The following KIF27 variants were observed in gnomAD, a reference collection of about 807,000 sequenced individuals.
The protein encoded by KIF27 is kinesin family member 27, also known as kinesin-like protein KIF27.
KIF27 carries 84 observed loss-of-function variants against 141.8 expected under a neutral mutation model. That is an observed-to-expected ratio of 0.59 (90% CI 0.50 to 0.71). The LOEUF is 0.71. KIF27 is among the 30% of genes least tolerant of loss of function. KIF27 has a pLI of 0.00. For synonymous variants in KIF27, 471 were observed against 569.5 expected (o/e 0.83, Z 2.46); for missense variants, 1,306 against 1,628.4 (o/e 0.80, Z 3.41).
chr9:83,902,807 G>A (rs1254740668), intron 4 of KIF27, among the ~76,000 whole-genome samples: 1 of 152,016 alleles, frequency 6.6e-6, no homozygotes, highest in Non-Finnish European at 1.5e-5. Context: ...TTGTGAGGAG[G>A]AAGCAATAGG....
At chr9:83,853,484 T>C (rs1564301459) in intron 15 of KIF27, 145 bp downstream of exon 15, 15 of 627,500 alleles carry the variant, frequency 2.4e-5, no homozygotes, top group Non-Finnish European at 2.2e-5. Context: ...CATTTAGTTC[T>C]ATAAAGAGAA....
At chr9:83,869,356 G>T (rs2132026594) in intron 12 of KIF27, among the ~76,000 whole-genome samples, 1 of 152,066 alleles carries the variant, frequency 6.6e-6, no homozygotes, top group South Asian at 2.1e-4. Context: ...TTTTTAAAAG[G>T]TGGCACTAAA....
chr9:83,898,202 T>C (rs1446111257), intron 5 of KIF27, among the ~76,000 whole-genome samples: 2 of 151,616 alleles, frequency 1.3e-5, no homozygotes, highest in South Asian at 2.1e-4. Flanking sequence ...AGAAAATAAA[T>C]TGTGGTATAG....
Position 83,848,525 on chromosome 9 carries a change from CAT to C in KIF27, c.3556+1572_3556+1573del, listed in dbSNP as rs893234810. 18 of 142,674 alleles carry C rather than the reference CAT, an allele frequency of 1.3e-4. No homozygotes were observed. In the East Asian group the frequency reaches 3.5e-3, roughly 27 times the overall value. 8.8% of individuals were successfully genotyped at this position (142,674 alleles called of 1,614,324 possible). A position where few individuals can be genotyped will look rare whatever the true frequency, so the allele number is the denominator to read the frequency against. On this transcript the variant is annotated intron_variant, in intron 16 of 17. Transcript: ENST00000297814. ...ATATATAGCTATATATGCATATATA[CAT>C]ATATATCTATGTATATACATATATC...
At chr9:83,916,690 G>A (rs1448137979) in intron 1 of KIF27, among the ~76,000 whole-genome samples, 1 of 140,522 alleles carries the variant, frequency 7.1e-6, no homozygotes, top group East Asian at 2.1e-4. Context: ...TTGAGACGGA[G>A]TCTCGCTCTG....
chr9:83,908,001 C>T (rs566078848), intron 3 of KIF27, among the ~76,000 whole-genome samples: 135 of 152,152 alleles, frequency 8.9e-4, no homozygotes, highest in Non-Finnish European at 1.7e-3. Context: ...CAGTGGCTCA[C>T]GCCTGTAATC....
At chr9:83,893,882 T>A (rs1300616424) in intron 5 of KIF27, among the ~76,000 whole-genome samples, 3 of 151,512 alleles carry the variant, frequency 2.0e-5, no homozygotes, top group African/African-American at 7.3e-5. Flanking sequence ...CTAGTGAAAC[T>A]GCAAGAAAAA....
At chr9:83,908,758 C>CTTT in intron 2 of KIF27, 106 bp from the exon 3 acceptor site, 14 of 461,562 alleles carry the variant, frequency 3.0e-5, no homozygotes, top group East Asian at 1.2e-4. Context: ...TATATTATAA[C>CTTT]TTTTTTTTTT....
chr9:83,844,214 C>G (rs1370344638), intron 16 of KIF27, among the ~76,000 whole-genome samples: 1 of 152,096 alleles, frequency 6.6e-6, no homozygotes, highest in African/African-American at 2.4e-5. Flanking sequence ...GAGACTCAGA[C>G]TGGCTCTCCT....
At chr9:83,885,566 T>C (rs1952026979) in intron 9 of KIF27, among the ~76,000 whole-genome samples, 1 of 152,156 alleles carries the variant, frequency 6.6e-6, no homozygotes, top group Non-Finnish European at 1.5e-5. Flanking sequence ...TTTTGGACTA[T>C]TCATTAATTG....
intron 13 of KIF27, among the ~76,000 whole-genome samples, chr9:83,860,932 T>TGAGA (rs1293564715): frequency 3.9e-5 from 6 of 152,176 alleles, no homozygotes; most frequent in African/African-American, 1.4e-4. Flanking sequence ...CACATTTGAT[T>TGAGA]GTTTGGCTAA....
chr9:83,919,353 G>A (rs571004335), intron 1 of KIF27, among the ~76,000 whole-genome samples: 46 of 152,226 alleles, frequency 3.0e-4, no homozygotes, highest in African/African-American at 4.8e-4. Flanking sequence ...CATTGTGTTC[G>A]CATAAAAACT....
At chr9:83,916,662 CT>C (rs34391682) in intron 1 of KIF27, among the ~76,000 whole-genome samples, 49,986 of 122,600 alleles carry the variant, frequency 0.41, 7,226 homozygotes, top group Middle Eastern at 0.45. Context: ...ACAATGAACA[CT>C]TTTTTTTTTT....
At chr9:83,868,001 T>G in intron 12 of KIF27, 141 bp from the exon 13 acceptor site, 1 of 877,896 alleles carries the variant, frequency 1.1e-6, no homozygotes, top group Non-Finnish European at 1.7e-6. Flanking sequence ...GGTAGCCGTC[T>G]GAGATCCTAA....
At chr9:83,861,967 T>C (rs1009070196) in intron 13 of KIF27, among the ~76,000 whole-genome samples, 1 of 152,270 alleles carries the variant, frequency 6.6e-6, no homozygotes, top group Non-Finnish European at 1.5e-5. Context: ...GTTGGCTGCA[T>C]AAATGTCTTC....
At position 83,915,366 on chromosome 9, in the gene KIF27, A is replaced by G. The variant is rs766658858; in HGVS notation, c.226T>C (p.Tyr76His). ...KPLVLSLIEG[Y>H]NATVFAYGQT... The stretch of plus-strand genomic sequence containing the variant: ...CCATAGGCAAAAACAGTTGCATTAT[A>G]GCCCTCAATGAGTGACAACACTAGG... The change falls in exon 2 of 18, where the codon TAT becomes CAT. Residue 76 changes from tyrosine (Y) to histidine (H), a missense_variant. Physicochemically the swap from Tyr to His is moderately conservative, Grantham distance 83. Around this residue, in one of 4 missense-constraint regions of KIF27, gnomAD observed 533 missense variants for 565.6 expected, o/e 0.94. Transcript: ENST00000297814. The G allele has an allele frequency of 1.2e-6, 2 of 1,613,908 alleles. No individual in the cohort carries two copies. The highest frequency in any genetic ancestry group is 1.7e-5 in the Admixed American group (1 of 60,022).
intron 13 of KIF27, among the ~76,000 whole-genome samples, chr9:83,864,684 T>C (rs1950211917): frequency 1.3e-5 from 2 of 152,212 alleles, no homozygotes; most frequent in African/African-American, 4.8e-5. Context: ...TAGATGTCTA[T>C]TAGGTCTGCT....
At chr9:83,853,353 C>A (rs1221491938) in intron 15 of KIF27, among the ~76,000 whole-genome samples, 1 of 152,048 alleles carries the variant, frequency 6.6e-6, no homozygotes, top group East Asian at 1.9e-4. Context: ...AGGAATATAA[C>A]TTAAATTCTT....
intron 11 of KIF27, among the ~76,000 whole-genome samples, chr9:83,879,370 G>C (rs1951490080): frequency 1.3e-5 from 2 of 150,414 alleles, no homozygotes; most frequent in South Asian, 4.2e-4. Flanking sequence ...TGAAAATCTA[G>C]GAAATCTGGG....
Sources: allele counts gnomAD v4.1 joint callset (sites outside exome capture counted in the v4.1 genomes callset), GRCh38; gene constraint gnomAD v4.1.1; regional missense constraint gnomAD v4.1.1; transcripts MANE v1.5; gene names NCBI Gene and HGNC (gene_info 2026-07-23, HGNC 2026-07-21).